Variants in INPP5A observed in about 807,000 individuals in gnomAD.
INPP5A encodes the protein 43 kDa inositol polyphosphate 5-phophatase.
INPP5A carries 14 observed loss-of-function variants against 65.2 expected under a neutral mutation model. That is an observed-to-expected ratio of 0.21 (90% CI 0.14 to 0.34). The LOEUF (loss-of-function observed/expected upper bound fraction) is 0.34, where lower values mean the gene tolerates loss of function less well. Among genes scored for constraint, INPP5A ranks in the 10% least tolerant of loss-of-function variants. The pLI is 1.00. For synonymous variants in INPP5A, 207 were observed against 208.3 expected (o/e 0.99, Z 0.05); for missense variants, 431 against 545.6 (o/e 0.79, Z 2.09).
chr10:132,632,637 C>T (rs894560780), intron 2 of INPP5A, among the ~76,000 whole-genome samples: 9 of 152,302 alleles, frequency 5.9e-5, no homozygotes, highest in African/African-American at 2.2e-4. Flanking sequence ...GTCATGGGCA[C>T]TGACTGAATT....
chr10:132,686,660 G>A (rs1845135200), intron 4 of INPP5A, among the ~76,000 whole-genome samples: 2 of 152,158 alleles, frequency 1.3e-5, no homozygotes, highest in Admixed American at 1.3e-4. Context: ...TCCCTGCACT[G>A]GCAATTTATT....
intron 2 of INPP5A, among the ~76,000 whole-genome samples, chr10:132,633,645 C>A (rs1022654882): frequency 2.6e-5 from 4 of 152,154 alleles, no homozygotes; most frequent in African/African-American, 9.7e-5. Flanking sequence ...ATTATGAGAC[C>A]AGGAAAGATC....
intron 2 of INPP5A, among the ~76,000 whole-genome samples, chr10:132,623,556 TAA>T (rs1381386281): frequency 6.6e-6 from 1 of 152,150 alleles, no homozygotes; most frequent in Non-Finnish European, 1.5e-5. Flanking sequence ...GAAGGAAACT[TAA>T]GAGAAAATCT....
rs189825850 is a variant in INPP5A at position 132,672,042 on chromosome 10, G to A, written c.307-18350G>A. On this transcript the variant is annotated intron_variant, in intron 4 of 15. Coordinates refer to ENST00000368594, the MANE Select transcript of INPP5A (RefSeq NM_005539.5). ...GTTTTAAAGCTTGAGGACAGGTTTC[G>A]TTAGAGGTCAAAATTCAGTAGTTCC... Among the ~76,000 whole-genome samples the A allele has an allele frequency of 1.5e-4, 23 of 152,344 alleles. No homozygotes were observed. The East Asian group carries it at 3.7e-3, about 24-fold the overall frequency.
intron 12 of INPP5A, among the ~76,000 whole-genome samples, chr10:132,770,301 G>A (rs1446378911): frequency 6.6e-6 from 1 of 152,238 alleles, no homozygotes; most frequent in East Asian, 1.9e-4. Context: ...CAGTGTCGCC[G>A]GCCATCGGGT....
At chr10:132,699,424 G>C (rs999150592) in intron 6 of INPP5A, among the ~76,000 whole-genome samples, 5 of 152,144 alleles carry the variant, frequency 3.3e-5, no homozygotes, top group Admixed American at 2.0e-4. Context: ...GAGAGCAGCT[G>C]TGGGTGGCTG....
chr10:132,726,324 G>C lies in INPP5A; in HGVS notation c.648-497G>C, dbSNP rs560743337. 5.3e-5 allele frequency among the ~76,000 whole-genome samples: 8 copies of C among 152,302 alleles called. No individual in the cohort carries two copies. In the South Asian group the frequency reaches 8.3e-4, roughly 16 times the overall value. On this transcript the variant is annotated intron_variant, in intron 8 of 15. Transcript: ENST00000368594. ...TCTGGGAGGAGAGAGCGGGGGCTCCGGTTCCTGCCGGTTCACCTGCACGCG... is the reference window on the plus strand; with the variant it reads ...TCTGGGAGGAGAGAGCGGGGGCTCCCGTTCCTGCCGGTTCACCTGCACGCG...
rs1006737126 is a variant in INPP5A at position 132,753,072 on chromosome 10, G to A, written c.903+3227G>A. On this transcript the variant is annotated intron_variant, in intron 11 of 15. Coordinates refer to ENST00000368594, the MANE Select transcript of INPP5A (RefSeq NM_005539.5). This position sits in a 1 kb window ranked among gnomAD's most constrained non-coding sequence, Gnocchi z 5.3. ...TCATGAGAAGAGCCGATGCCTCGGC[G>A]TTCCTGTCCTGCTACTCAGATCCTC... Among the ~76,000 whole-genome samples the A allele has an allele frequency of 6.6e-6, 1 of 152,146 alleles. No homozygotes were observed. Among genetic ancestry groups the A allele is most frequent in the Non-Finnish European group, 1.5e-5 (1 of 68,018 alleles).
chr10:132,555,429 G>A lies in INPP5A; in HGVS notation c.75+17258G>A, dbSNP rs1045902583. On this transcript the variant is annotated intron_variant, in intron 1 of 15. Coordinates refer to ENST00000368594, the MANE Select transcript of INPP5A (RefSeq NM_005539.5). The surrounding 1 kb of genome is among the most constrained non-coding windows in gnomAD (Gnocchi z 4.4). ...CTGATAAGTTGCCTGGCCGGAAGGG[G>A]AAGAAGGGGGGCTTGGGCTGGGGCG... Among the ~76,000 whole-genome samples the A allele has an allele frequency of 6.6e-6, 1 of 152,068 alleles. No individual in the cohort carries two copies. Among genetic ancestry groups the A allele is most frequent in the African/African-American group, 2.4e-5 (1 of 41,382 alleles).
At chr10:132,559,478 A>G (rs1269650499) in intron 1 of INPP5A, among the ~76,000 whole-genome samples, 1 of 152,216 alleles carries the variant, frequency 6.6e-6, no homozygotes, top group Non-Finnish European at 1.5e-5. Context: ...AAAGAAACCC[A>G]GTACCCATTT....
intron 4 of INPP5A, among the ~76,000 whole-genome samples, chr10:132,685,641 G>T (rs2073105712): frequency 6.6e-6 from 1 of 152,254 alleles, no homozygotes; most frequent in Admixed American, 6.5e-5. Context: ...GCAGCTTTGT[G>T]TTCCTGGCTT....
In INPP5A at chr10:132,727,466, G is replaced by A. The variant is rs1477321596; in HGVS notation, c.732+561G>A. The A allele has an allele frequency of 6.6e-6, 1 of 152,406 alleles. No individual in the cohort carries two copies. The highest frequency in any genetic ancestry group is 1.5e-5 in the Non-Finnish European group (1 of 68,210). 9.4% of individuals were successfully genotyped at this position (152,406 alleles called of 1,614,324 possible). On this transcript the variant is annotated intron_variant, in intron 9 of 15. Transcript: ENST00000368594. The surrounding 1 kb of genome is among the most constrained non-coding windows in gnomAD (Gnocchi z 6.5). ...GTGCTCCTGGGTGTGCTTTCGGGCTGGCCGGGGACCAGCAGCTTGGGCGCC... is the reference window on the plus strand; with the variant it reads ...GTGCTCCTGGGTGTGCTTTCGGGCTAGCCGGGGACCAGCAGCTTGGGCGCC...
intron 4 of INPP5A, among the ~76,000 whole-genome samples, chr10:132,689,183 G>A (rs1354898968): frequency 6.6e-6 from 1 of 152,202 alleles, no homozygotes; most frequent in Non-Finnish European, 1.5e-5. Flanking sequence ...CACGCCCTGT[G>A]CTTTCAGCTG....
chr10:132,600,145 G>A (rs961736377), intron 1 of INPP5A, among the ~76,000 whole-genome samples: 1 of 152,196 alleles, frequency 6.6e-6, no homozygotes, highest in Non-Finnish European at 1.5e-5. Context: ...CCAGAAAATA[G>A]GTTTTGCTTC....
At chr10:132,646,403 T>G (rs2072495315) in intron 3 of INPP5A, among the ~76,000 whole-genome samples, 1 of 152,126 alleles carries the variant, frequency 6.6e-6, no homozygotes. Context: ...GCCCCACGTG[T>G]ATTCCCACTG....
At chr10:132,600,034 G>A (rs2071756130) in intron 1 of INPP5A, among the ~76,000 whole-genome samples, 1 of 152,192 alleles carries the variant, frequency 6.6e-6, no homozygotes, top group African/African-American at 2.4e-5. Context: ...TGCCATGAAG[G>A]TCTCTGATGT....
intron 1 of INPP5A, among the ~76,000 whole-genome samples, chr10:132,563,215 G>A (rs2071227224): frequency 1.3e-5 from 2 of 152,218 alleles, no homozygotes; most frequent in South Asian, 4.1e-4. Context: ...GGGTCCTGCT[G>A]AGTGCCAGGT....
At chr10:132,760,000 C>T (rs1020406831) in intron 11 of INPP5A, among the ~76,000 whole-genome samples, 5 of 152,354 alleles carry the variant, frequency 3.3e-5, no homozygotes, top group Middle Eastern at 3.4e-3. Flanking sequence ...ACAGACCCCA[C>T]GCCGTGGACC....
At chr10:132,656,678 G>A (rs538793334) in intron 4 of INPP5A, among the ~76,000 whole-genome samples, 347 of 152,330 alleles carry the variant, frequency 2.3e-3, no homozygotes, top group Admixed American at 3.9e-3. Context: ...CAGCCAGCTG[G>A]GCCAGGTGAG....
Sources: gnomAD v4.1 joint callset for allele counts (sites outside exome capture counted in the v4.1 genomes callset) on GRCh38, gnomAD v4.1.1 for gene constraint, Gnocchi (gnomAD v3.1) non-coding constraint, MANE v1.5 for transcripts, NCBI Gene and HGNC (gene_info 2026-07-23, HGNC 2026-07-21) for gene names.